ROBO2: variants seen among roughly 807,000 people sequenced by gnomAD.
ROBO2 encodes roundabout guidance receptor 2.
Under a neutral mutation model 160.8 loss-of-function variants are expected in ROBO2, and 53 were observed. The observed-to-expected ratio is 0.33, with a 90% confidence interval of 0.26 to 0.41. The LOEUF (loss-of-function observed/expected upper bound fraction) is 0.41. ROBO2 is among the 10% of genes least tolerant of loss of function. ROBO2 has a pLI of 1.00. For missense variants in ROBO2, 1,577 were observed against 1,722.4 expected (o/e 0.92, Z 1.49); for synonymous variants, 664 against 611.7 (o/e 1.09, Z -1.26).
intron 6 of ROBO2, among the ~76,000 whole-genome samples, chr3:77,529,261 A>G (rs929181669): frequency 6.6e-6 from 1 of 151,526 alleles, no homozygotes; most frequent in African/African-American, 2.4e-5. Context: ...TGACTATGGA[A>G]TACAAAAACT....
intron 2 of ROBO2, among the ~76,000 whole-genome samples, chr3:77,120,662 A>G (rs2074663798): frequency 1.3e-5 from 2 of 152,194 alleles, no homozygotes; most frequent in African/African-American, 4.8e-5. Context: ...TTGAAGAAAA[A>G]TCAACTTTGC....
chr3:76,948,032 T>A (rs2078681048), intron 2 of ROBO2, among the ~76,000 whole-genome samples: 1 of 152,214 alleles, frequency 6.6e-6, no homozygotes, highest in African/African-American at 2.4e-5. Context: ...GAATTTCTTT[T>A]AGTGAGAGTC....
chr3:76,992,630 C>G (rs1049284589), intron 2 of ROBO2, among the ~76,000 whole-genome samples: 1 of 151,390 alleles, frequency 6.6e-6, no homozygotes, highest in Non-Finnish European at 1.5e-5. Flanking sequence ...CAATTTTTTC[C>G]TAAAAATAAG....
chr3:75,907,890 A>C (rs1343001957), intron 1 of ROBO2, among the ~76,000 whole-genome samples: 1 of 141,354 alleles, frequency 7.1e-6, no homozygotes, highest in African/African-American at 2.6e-5. Context: ...TGTATCAGAG[A>C]GACAAAATTC....
At chr3:76,908,341 T>C (rs2148913777) in intron 2 of ROBO2, among the ~76,000 whole-genome samples, 1 of 152,336 alleles carries the variant, frequency 6.6e-6, no homozygotes, top group East Asian at 1.9e-4. Context: ...CACACACATT[T>C]TGGTACTGTT....
chr3:75,973,364 G>A (rs535918947), intron 2 of ROBO2, among the ~76,000 whole-genome samples: 1 of 151,592 alleles, frequency 6.6e-6, no homozygotes, highest in South Asian at 2.1e-4. Flanking sequence ...GGCTCAGTTT[G>A]GCAGAATTTA....
chr3:76,868,400 A>G (rs1417136373), intron 2 of ROBO2, among the ~76,000 whole-genome samples: 1 of 152,164 alleles, frequency 6.6e-6, no homozygotes, highest in Non-Finnish European at 1.5e-5. Flanking sequence ...AATTGACCAC[A>G]GATTGTCTCT....
intron 2 of ROBO2, among the ~76,000 whole-genome samples, chr3:76,494,269 G>A (rs1294704144): frequency 6.6e-6 from 1 of 152,170 alleles, no homozygotes; most frequent in Non-Finnish European, 1.5e-5. Flanking sequence ...CCCTCTTAGG[G>A]TACTTTAGCT....
rs58053940 is a variant in ROBO2 at position 76,442,306 on chromosome 3, T to C, written c.109+504704T>C. On this transcript the variant is annotated intron_variant, in intron 2 of 26. Transcript: ENST00000487694. ...AGCAACTTATCCCTCCATATCCTAA[T>C]TTAATCCTAATTTAATCAGGATGCT... is the stretch of plus-strand genomic sequence containing the variant. 3.8e-3 allele frequency among the ~76,000 whole-genome samples: 582 copies of C among 152,302 alleles called. 4 individuals carry two copies. The highest frequency in any genetic ancestry group is 0.013 in the African/African-American group (549 of 41,580).
At chr3:76,232,064 T>C (rs1217290291) in intron 2 of ROBO2, among the ~76,000 whole-genome samples, 3 of 152,176 alleles carry the variant, frequency 2.0e-5, no homozygotes, top group Non-Finnish European at 4.4e-5. Flanking sequence ...TTGATCCTGG[T>C]GGTGCCAAGA....
At chr3:76,725,975 T>C (rs1302176889) in intron 2 of ROBO2, among the ~76,000 whole-genome samples, 1 of 152,196 alleles carries the variant, frequency 6.6e-6, no homozygotes, top group African/African-American at 2.4e-5. Flanking sequence ...TGCGAATTAC[T>C]TACAGAGCTA....
chr3:76,234,526 C>T (rs1448249558), intron 2 of ROBO2, among the ~76,000 whole-genome samples: 4 of 152,170 alleles, frequency 2.6e-5, no homozygotes, highest in African/African-American at 9.7e-5. Flanking sequence ...CCCTTCTCTC[C>T]ACAACCTCAC....
chr3:76,155,479 T>A (rs2072371124), intron 2 of ROBO2, among the ~76,000 whole-genome samples: 1 of 152,160 alleles, frequency 6.6e-6, no homozygotes, highest in South Asian at 2.1e-4. Context: ...AATTAAATTA[T>A]AATGTTTGTG....
At chr3:77,632,307 C>A in intron 23 of ROBO2, 1 of 535,042 alleles carries the variant, frequency 1.9e-6, no homozygotes, top group Non-Finnish European at 3.2e-6. Context: ...CATTCTTCTG[C>A]ACAAAAAATG....
intron 19 of ROBO2, among the ~76,000 whole-genome samples, chr3:77,600,333 T>C (rs1451115742): frequency 1.3e-5 from 2 of 152,196 alleles, no homozygotes; most frequent in East Asian, 3.9e-4. Context: ...TCAAATCATA[T>C]TTGAAGACAA....
intron 2 of ROBO2, among the ~76,000 whole-genome samples, chr3:76,246,405 G>T (rs984381025): frequency 1.3e-5 from 2 of 152,060 alleles, no homozygotes; most frequent in Non-Finnish European, 2.9e-5. Context: ...GTTAATGGAG[G>T]TTTTGAAAAC....
intron 2 of ROBO2, among the ~76,000 whole-genome samples, chr3:76,116,099 G>A (rs973714669): frequency 6.6e-6 from 1 of 152,128 alleles, no homozygotes; most frequent in African/African-American, 2.4e-5. Flanking sequence ...CTCTAGAGCT[G>A]ACAGCTTTTA....
chr3:76,108,180 T>C (rs1389098568), intron 2 of ROBO2, among the ~76,000 whole-genome samples: 1 of 151,952 alleles, frequency 6.6e-6, no homozygotes, highest in South Asian at 2.1e-4. Context: ...ACTGCGATGC[T>C]AATCATCTTC....
At chr3:76,396,699 A>G (rs1311709821) in intron 2 of ROBO2, among the ~76,000 whole-genome samples, 1 of 152,210 alleles carries the variant, frequency 6.6e-6, no homozygotes, top group Non-Finnish European at 1.5e-5. Flanking sequence ...AGAGAGCCAA[A>G]TCAAGAGTGA....
Sources: allele counts gnomAD v4.1 joint callset (sites outside exome capture counted in the v4.1 genomes callset), GRCh38; gene constraint gnomAD v4.1.1; transcripts MANE v1.5; gene names NCBI Gene and HGNC (gene_info 2026-07-23, HGNC 2026-07-21).